The following TG variants were observed in gnomAD, a reference collection of about 807,000 sequenced individuals.
TG encodes thyroid hormones.
A neutral mutation model predicts 324.7 loss-of-function variants in TG; 270 were observed. That is an observed-to-expected ratio of 0.83 (90% CI 0.75 to 0.92). The LOEUF is 0.92. TG is among the 40% of genes least tolerant of loss of function. TG has a pLI of 0.00. For missense variants in TG, 3,591 were observed against 3,456.4 expected (o/e 1.04, Z -0.98); for synonymous variants, 1,401 against 1,327.0 (o/e 1.06, Z -1.21).
In TG at chr8:132,935,746, C is replaced by A; in HGVS notation, c.4933-10C>A. 1 of 1,601,342 alleles carries A rather than the reference C, an allele frequency of 6.2e-7. No individual in the cohort carries two copies. The highest frequency in any genetic ancestry group is 8.6e-7 in the Non-Finnish European group (1 of 1,169,552). ...TGCAGGATAATAATGCAGCATCTTT[C>A]CATCTCCAGAAACGAGATGCACTGG... On this transcript the variant is annotated splice_polypyrimidine_tract_variant and intron_variant, in intron 24 of 47. Coordinates refer to ENST00000220616, the MANE Select transcript of TG (RefSeq NM_003235.5).
intron 11 of TG, among the ~76,000 whole-genome samples, chr8:132,896,049 A>G (rs745747589): frequency 1.3e-5 from 2 of 152,256 alleles, no homozygotes; most frequent in Non-Finnish European, 2.9e-5. Flanking sequence ...CATGGTAGCC[A>G]TGTCTGAGGG....
chr8:133,131,145 A>G (rs1178460541), intron 45 of TG, among the ~76,000 whole-genome samples: 1 of 151,476 alleles, frequency 6.6e-6, no homozygotes, highest in East Asian at 1.9e-4. Context: ...CCACTCTACC[A>G]CTCTCCCTGG....
Position 132,983,379 on chromosome 8 carries a change from C to G in TG, c.6229C>G (p.Pro2077Ala). The change falls in exon 35 of 48, where the codon CCT becomes GCT. Residue 2077 changes from proline (P) to alanine (A), a missense_variant. Coordinates refer to ENST00000220616, the MANE Select transcript of TG (RefSeq NM_003235.5). ...IAQNNAPSFC[P>A]LVVLPSLTEK... ...TCAAAATAATGCTCCCAGTTTTTGCCCTTTGGTTGTTCTGCCTTCCCTCAC... is the reference window on the plus strand; with the variant it reads ...TCAAAATAATGCTCCCAGTTTTTGCGCTTTGGTTGTTCTGCCTTCCCTCAC... 6.2e-7 allele frequency: 1 copy of G among 1,613,942 alleles called. No individual in the cohort carries two copies. Among genetic ancestry groups the G allele is most frequent in the Non-Finnish European group, 8.5e-7 (1 of 1,179,974 alleles).
chr8:133,106,400 T>C, intron 43 of TG: 3 of 985,306 alleles, frequency 3.0e-6, no homozygotes, highest in Non-Finnish European at 3.6e-6. Flanking sequence ...TGTTCCATGC[T>C]CTCTGGCAGG....
intron 41 of TG, among the ~76,000 whole-genome samples, chr8:133,077,190 C>T (rs1252371483): frequency 1.6e-4 from 25 of 152,156 alleles, no homozygotes; most frequent in Non-Finnish European, 1.5e-5. Context: ...GCTGGTTTCA[C>T]ACAAGCTTTA....
rs1365468605 is a variant in TG, at chr8:133,025,571, T to A, written c.7036+3421T>A. Among the ~76,000 whole-genome samples, 4 of 152,152 alleles carry A rather than the reference T, an allele frequency of 2.6e-5. No individual in the cohort carries two copies. In the East Asian group the frequency reaches 5.8e-4, roughly 22 times the overall value. On this transcript the variant is annotated intron_variant, in intron 40 of 47. Coordinates refer to ENST00000220616, the MANE Select transcript of TG (RefSeq NM_003235.5). Reference sequence around the variant, plus strand: ...CCCTTGATGAGCCGATGGTGGTGCATTATGATTTACTGAAGTCCACAGTTT... The same window carrying A: ...CCCTTGATGAGCCGATGGTGGTGCAATATGATTTACTGAAGTCCACAGTTT...
At chr8:133,112,544 TAG>T (rs1302206745) in intron 43 of TG, among the ~76,000 whole-genome samples, 1 of 128,782 alleles carries the variant, frequency 7.8e-6, no homozygotes, top group Non-Finnish European at 1.6e-5. Flanking sequence ...CAGAGAGAAA[TAG>T]AGAGAGAAGG....
chr8:132,995,568 C>T (rs550614986), intron 35 of TG: 1 of 973,392 alleles, frequency 1.0e-6, no homozygotes, highest in South Asian at 4.7e-5. Context: ...TATCGTTTTG[C>T]CCACGCACCC....
At position 132,929,131 on chromosome 8, in the gene TG, T is replaced by C. The variant is rs748965517; in HGVS notation, c.4755T>C (p.Ala1585=). ...PESKVIFDAN[A]PVAVRSKVPD... The stretch of plus-strand genomic sequence containing the variant: ...CAAAGGTGATCTTCGACGCCAATGC[T>C]CCTGTGGCTGTCAGATCCAAAGTTC... Residue 1585 remains alanine (A), a synonymous_variant, in exon 23 of 48, where the codon GCT becomes GCC. Coordinates refer to ENST00000220616, the MANE Select transcript of TG (RefSeq NM_003235.5). 4 of 1,614,010 alleles carry C rather than the reference T, an allele frequency of 2.5e-6. No individual in the cohort carries two copies. The African/African-American group carries it at 4.0e-5, about 16-fold the overall frequency.
intron 45 of TG, among the ~76,000 whole-genome samples, chr8:133,120,763 G>T (rs1447584084): frequency 6.6e-6 from 1 of 152,112 alleles, no homozygotes; most frequent in Non-Finnish European, 1.5e-5. Flanking sequence ...GGGTACTAGG[G>T]GTAAGGACCC....
At chr8:132,936,198 G>A (rs1244928790) in intron 25 of TG, among the ~76,000 whole-genome samples, 3 of 152,272 alleles carry the variant, frequency 2.0e-5, no homozygotes, top group Non-Finnish European at 4.4e-5. Flanking sequence ...ACGAAGTGAA[G>A]GATCTTGGCA....
chr8:132,872,362 C>T (rs1167743211), intron 4 of TG, among the ~76,000 whole-genome samples: 1 of 151,414 alleles, frequency 6.6e-6, no homozygotes, highest in East Asian at 1.9e-4. Context: ...CCTGTAGTCC[C>T]AGCTACTCGG....
chr8:132,998,855 A>G (rs949575340), intron 35 of TG, among the ~76,000 whole-genome samples: 15 of 152,348 alleles, frequency 9.8e-5, no homozygotes, highest in Middle Eastern at 3.4e-3. Flanking sequence ...ATTGAAGCAG[A>G]CAAGAAACTG....
At chr8:133,018,815 A>G (rs1835297095) in intron 38 of TG, among the ~76,000 whole-genome samples, 1 of 152,268 alleles carries the variant, frequency 6.6e-6, no homozygotes. Flanking sequence ...GCTGCTAAGC[A>G]GGTCCATGGG....
At chr8:132,972,410 A>G in intron 33 of TG, 188 bp from the exon 34 acceptor site, 1 of 655,596 alleles carries the variant, frequency 1.5e-6, no homozygotes, top group Non-Finnish European at 2.6e-6. Context: ...CTTTGCTCTT[A>G]GATCAGAGGC....
chr8:132,933,711 C>T (rs1398625505), intron 24 of TG, 35 bp downstream of exon 24: 2 of 1,590,844 alleles, frequency 1.3e-6, no homozygotes, highest in African/African-American at 2.7e-5. Context: ...TTCTGCTCCT[C>T]ATCCGCTGTG....
At chr8:133,018,156 G>T (rs1835220110) in intron 38 of TG, among the ~76,000 whole-genome samples, 159 bp downstream of exon 38, 1 of 152,244 alleles carries the variant, frequency 6.6e-6, no homozygotes, top group African/African-American at 2.4e-5. Flanking sequence ...TGCTGTGACA[G>T]ATAAACTCCT....
chr8:133,002,273 C>T, intron 35 of TG: 1 of 985,360 alleles, frequency 1.0e-6, no homozygotes, highest in Non-Finnish European at 1.2e-6. Context: ...GCATGCAGCT[C>T]TATAGTGATG....
At chr8:132,898,690 C>G in intron 13 of TG, 108 bp from the exon 14 acceptor site, 1 of 876,914 alleles carries the variant, frequency 1.1e-6, no homozygotes, top group East Asian at 2.6e-5. Flanking sequence ...ATGAAGAGCA[C>G]CTGCATTCAC....
Sources: gnomAD v4.1 joint callset for allele counts (sites outside exome capture counted in the v4.1 genomes callset) on GRCh38, gnomAD v4.1.1 for gene constraint, MANE v1.5 for transcripts, NCBI Gene and HGNC (gene_info 2026-07-23, HGNC 2026-07-21) for gene names.